The following FRY variants were observed in gnomAD, a reference collection of about 807,000 sequenced individuals.
FRY encodes the protein protein furry homolog.
In FRY, 128 loss-of-function variants were observed where a neutral mutation model predicts 348.4. That is an observed-to-expected ratio of 0.37 (90% confidence interval 0.32 to 0.43). FRY has a LOEUF of 0.43. FRY is among the 20% of genes least tolerant of loss of function. FRY has a pLI of 1.00. For synonymous variants in FRY, 1,370 were observed against 1,374.7 expected, an observed-to-expected ratio of 1.00 and a Z score of 0.08; for missense variants, 2,736 against 3,695.2, an observed-to-expected ratio of 0.74 and a Z score of 6.73.
intron 28 of FRY, among the ~76,000 whole-genome samples, chr13:32,192,997 C>A (rs1211830379): frequency 6.6e-6 from 1 of 151,784 alleles, no homozygotes; most frequent in African/African-American, 2.4e-5. Context: ...CCTGCCTGGG[C>A]CTCTCAAAGT....
At chr13:32,287,889 G>A in intron 58 of FRY, 1 of 1,346,508 alleles carries the variant, frequency 7.4e-7, no homozygotes, top group Non-Finnish European at 9.9e-7. Flanking sequence ...CTTGCAGTAA[G>A]TTAACTTTCT....
intron 4 of FRY, among the ~76,000 whole-genome samples, chr13:32,123,749 A>G (rs898756187): frequency 1.3e-5 from 2 of 152,194 alleles, no homozygotes; most frequent in Non-Finnish European, 2.9e-5. Context: ...TGAAAATTTT[A>G]AATTTGAAGT....
chr13:32,179,633 T>C, intron 22 of FRY, 42 bp from the exon 23 acceptor site: 1 of 1,609,224 alleles, frequency 6.2e-7, no homozygotes, highest in Non-Finnish European at 8.5e-7. Context: ...AACCATCAGT[T>C]ACCATGTTAC....
At chr13:32,159,354 C>A (rs1254773549) in intron 16 of FRY, among the ~76,000 whole-genome samples, 1 of 152,106 alleles carries the variant, frequency 6.6e-6, no homozygotes, top group Non-Finnish European at 1.5e-5. Flanking sequence ...ATATTTGAAG[C>A]TGGGCCACCA....
At chr13:32,179,209 C>T (rs1447661205) in intron 22 of FRY, among the ~76,000 whole-genome samples, 176 bp downstream of exon 22, 2 of 152,046 alleles carry the variant, frequency 1.3e-5, no homozygotes, top group Admixed American at 1.3e-4. Flanking sequence ...TATTACTCCT[C>T]CCTGACAAGC....
intron 18 of FRY, among the ~76,000 whole-genome samples, chr13:32,172,423 A>C (rs17077177): frequency 0.13 from 19,050 of 152,246 alleles, 1,522 homozygotes; most frequent in African/African-American, 0.22. Flanking sequence ...TTTTAGCCAG[A>C]AACATATGGG....
In FRY at chr13:32,273,506, G is replaced by A. The variant is rs563204869; in HGVS notation, c.8137-1336G>A. On this transcript the variant is annotated intron_variant, in intron 55 of 60. Transcript: ENST00000542859. ...CAAAGTGCTGGGATTACAGGCGTGA[G>A]CCACCGCGCCCGGCCTAACTGTTCT... 2.4e-4 allele frequency among the ~76,000 whole-genome samples: 37 copies of A among 152,278 alleles called. No homozygotes were observed. The South Asian group carries it at 6.4e-3, about 26-fold the overall frequency.
chr13:32,184,638 A>T lies in FRY; in HGVS notation c.3093A>T (p.Leu1031=), dbSNP rs746789964. The change falls in exon 25 of 61, where the codon CTA becomes CTT. Residue 1031 remains leucine, a synonymous_variant. Transcript: ENST00000542859. ...KRRERRDLLR[L]QLLRIFELLA... ...GAGAACGGCGAGACTTGTTAAGGCTACAACTACTTCGAATTTTTGAACTTT... is the reference window on the plus strand; with the variant it reads ...GAGAACGGCGAGACTTGTTAAGGCTTCAACTACTTCGAATTTTTGAACTTT... 1.9e-6 allele frequency: 3 copies of T among 1,613,654 alleles called. No individual in the cohort carries two copies. The highest frequency in any genetic ancestry group is 2.5e-6 in the Non-Finnish European group (3 of 1,179,602).
intron 3 of FRY, among the ~76,000 whole-genome samples, chr13:32,111,279 G>A (rs1877939109): frequency 6.6e-6 from 1 of 151,988 alleles, no homozygotes; most frequent in South Asian, 2.1e-4. Flanking sequence ...TTTGAGGTCA[G>A]AAGTTTGAGA....
rs1001068047 is a variant in FRY at position 32,057,189 on chromosome 13, AAGAC to A, written c.71-21640_71-21637del. Among the ~76,000 whole-genome samples the A allele has an allele frequency of 6.6e-4, 99 of 150,956 alleles. 1 individual carries two copies. Among genetic ancestry groups the A allele is most frequent in the African/African-American group, 2.2e-3 (92 of 41,132 alleles). ...TTTTTTTATTTTTTATTTTTTTTTT[AAGAC>A]AGACTCTCACTCTGTCACCCAGGCT... On this transcript the variant is annotated intron_variant, in intron 1 of 60. Transcript: ENST00000542859.
intron 29 of FRY, among the ~76,000 whole-genome samples, chr13:32,197,770 G>T (rs960786345): frequency 4.6e-5 from 7 of 152,186 alleles, no homozygotes; most frequent in African/African-American, 1.7e-4. Flanking sequence ...GAGCCATCTT[G>T]AGCTTTGTCA....
Position 32,031,854 on chromosome 13 carries a change from C to A in FRY, c.59C>A (p.Ser20Tyr), listed in dbSNP as rs769474591. Residue 20 changes from serine (S) to tyrosine (Y), a missense_variant, in exon 1 of 61, where the codon TCC becomes TAC. Coordinates refer to ENST00000542859, the MANE Select transcript of FRY (RefSeq NM_023037.3). ...FEISIKYLLK[S>Y]WSNTSPVGNG... ...ATCAGTATCAAATATTTACTGAAAT[C>A]CTGGAGTAATAGTGAGTAATAGAAA... 1.3e-6 allele frequency: 2 copies of A among 1,565,004 alleles called. No homozygotes were observed. The highest frequency in any genetic ancestry group is 1.8e-6 in the Non-Finnish European group (2 of 1,136,578).
chr13:32,239,163 C>T lies in FRY; in HGVS notation c.6419-89C>T, dbSNP rs989702103. On this transcript the variant is annotated intron_variant, in intron 44 of 60. Coordinates refer to ENST00000542859, the MANE Select transcript of FRY (RefSeq NM_023037.3). The surrounding 1 kb of genome is among the most constrained non-coding windows in gnomAD (Gnocchi z 4.3). ...TCAAAAAACTGCTTTTGCATCACCT[C>T]AGTATAAAAATCTGTAACATGCCTT... 3.5e-6 allele frequency: 3 copies of T among 847,956 alleles called. No individual in the cohort carries two copies. The highest frequency in any genetic ancestry group is 3.3e-5 in the African/African-American group (2 of 60,472). The allele number at this position is 847,956 out of a possible 1,614,324, so 52.5% of individuals were successfully genotyped here.
chr13:32,041,050 A>G (rs1872725877), intron 1 of FRY, among the ~76,000 whole-genome samples: 1 of 152,238 alleles, frequency 6.6e-6, no homozygotes, highest in Admixed American at 6.5e-5. Flanking sequence ...CAGATTGCCT[A>G]TGAACATAGC....
At chr13:32,167,959 C>G (rs1354296481) in intron 17 of FRY, among the ~76,000 whole-genome samples, 1 of 152,126 alleles carries the variant, frequency 6.6e-6, no homozygotes, top group Non-Finnish European at 1.5e-5. Flanking sequence ...CCAGCTTTAA[C>G]CAGAGTGGCT....
At chr13:32,234,119 CAAA>C (rs11322238) in intron 41 of FRY, among the ~76,000 whole-genome samples, 4 of 76,162 alleles carry the variant, frequency 5.3e-5, no homozygotes, top group Admixed American at 1.5e-4. Context: ...ACCCTGTTTC[CAAA>C]AAAAAAAAAA....
At chr13:32,198,996 C>T (rs1184597650) in intron 29 of FRY, among the ~76,000 whole-genome samples, 1 of 152,128 alleles carries the variant, frequency 6.6e-6, no homozygotes, top group African/African-American at 2.4e-5. Flanking sequence ...AAAGTGAAAA[C>T]AGTCTAAATA....
At chr13:32,109,014 A>G (rs1468087) in intron 3 of FRY, among the ~76,000 whole-genome samples, 31,924 of 152,142 alleles carry the variant, frequency 0.21, 4,047 homozygotes, top group Non-Finnish European at 0.29. Flanking sequence ...TAAGGAGACA[A>G]TGGTCATGAA....
chr13:32,140,216 A>G (rs1879976731), intron 11 of FRY, among the ~76,000 whole-genome samples: 2 of 152,290 alleles, frequency 1.3e-5, no homozygotes, highest in South Asian at 4.1e-4. Context: ...CTTCCTATAC[A>G]TTGTTGTGGG....
Sources: allele counts gnomAD v4.1 joint callset (sites outside exome capture counted in the v4.1 genomes callset), GRCh38; gene constraint gnomAD v4.1.1; non-coding constraint Gnocchi (gnomAD v3.1); transcripts MANE v1.5; gene names NCBI Gene and HGNC (gene_info 2026-07-23, HGNC 2026-07-21).